Variants in TTC24 observed in about 807,000 individuals in gnomAD.
TTC24 encodes the protein tetratricopeptide repeat domain 24.
In TTC24, 54 loss-of-function variants were observed where a neutral mutation model predicts 63.3. That is an observed-to-expected ratio of 0.85 (90% CI 0.69 to 1.07). TTC24 has a LOEUF of 1.07. Ranked by LOEUF, TTC24 falls within the 50% of genes least tolerant of loss-of-function variation. The pLI is 0.00. For missense variants in TTC24, 680 were observed against 730.5 expected (o/e 0.93, Z 0.80); for synonymous variants, 276 against 304.3 (o/e 0.91, Z 0.97).
chr1:156,587,162 G>T lies in TTC24; in HGVS notation c.*612G>T, dbSNP rs1970531. Among the ~76,000 whole-genome samples the T allele has an allele frequency of 0.99, 41,864 of 42,346 alleles. 20,747 individuals are homozygous for T. Among genetic ancestry groups the T allele is most frequent in the Middle Eastern group, 1 (98 of 98 alleles). 27.8% of individuals were successfully genotyped at this position (42,346 alleles called of 152,430 possible). A position where few individuals can be genotyped will look rare whatever the true frequency, so the allele number is the denominator to read the frequency against. ...CACCCTATTCTAGGTGCTTAGCTCA[G>T]GCCCCACCCTATTCTAGGTGCTTAG... On this transcript the variant is annotated 3_prime_UTR_variant, in exon 11 of 11. Transcript: ENST00000368236.
At chr1:156,586,128 C>A (rs1046065069) in intron 10 of TTC24, 83 bp downstream of exon 10, 7 of 1,030,296 alleles carry the variant, frequency 6.8e-6, no homozygotes, top group East Asian at 2.6e-5. Context: ...TAATGAAACA[C>A]GACTGCTGTT....
Position 156,583,685 on chromosome 1 carries a change from G to A in TTC24, c.1153-112G>A. On this transcript the variant is annotated intron_variant, in intron 5 of 10. Transcript: ENST00000368236. The surrounding 1 kb of genome is among the most constrained non-coding windows in gnomAD (Gnocchi z 4.0). ...GGCATGGGGATGGGGTAGAAGAGAG[G>A]GGAAACAAAGCCCCCCTCCCCCCTC... The A allele has an allele frequency of 2.8e-6, 3 of 1,065,724 alleles. No individual in the cohort carries two copies. The highest frequency in any genetic ancestry group is 2.1e-5 in the Admixed American group (1 of 47,886). The allele number at this position is 1,065,724 out of a possible 1,614,324, so 66.0% of individuals were successfully genotyped here.
chr1:156,582,161 G>A lies in TTC24; in HGVS notation c.707-70G>A, dbSNP rs1223121798. Reference sequence around the variant, plus strand: ...GCTGGGTTTGGGGAACCCTGGAGGAGTCGATAGGGGCTGTACCAGCCTCAT... The same window carrying A: ...GCTGGGTTTGGGGAACCCTGGAGGAATCGATAGGGGCTGTACCAGCCTCAT... On this transcript the variant is annotated intron_variant, in intron 2 of 10. Coordinates refer to ENST00000368236, the MANE Select transcript of TTC24 (RefSeq NM_001105669.4). The A allele has an allele frequency of 7.5e-6, 11 of 1,474,350 alleles. 1 individual carries two copies. In the South Asian group the frequency reaches 1.4e-4, roughly 19 times the overall value. The allele number at this position is 1,474,350 out of a possible 1,614,324, so 91.3% of individuals were successfully genotyped here. A position where few individuals can be genotyped will look rare whatever the true frequency, so the allele number is the denominator to read the frequency against.
chr1:156,580,735 C>T (rs931803715), intron 1 of TTC24, among the ~76,000 whole-genome samples: 2 of 152,166 alleles, frequency 1.3e-5, no homozygotes, highest in African/African-American at 2.4e-5. Context: ...CTCAGCCTCC[C>T]AAAATGCTGG....
chr1:156,586,538 C>T lies in TTC24; in HGVS notation c.1737C>T (p.Cys579=). ...GGAGACCCATGGAGTCGGGCATCTG[C>T]ACTATTGTGTGACCTCCCCCTGCCA... ...RQRRPMESGI[C]TIV Residue 579 remains cysteine, a synonymous_variant, in exon 11 of 11, where the codon TGC becomes TGT. Transcript: ENST00000368236. 6.2e-6 allele frequency: 10 copies of T among 1,613,412 alleles called. No homozygotes were observed. The highest frequency in any genetic ancestry group is 7.6e-6 in the Non-Finnish European group (9 of 1,179,670).
In TTC24 at chr1:156,581,505, T is replaced by C; in HGVS notation, c.141T>C (p.Leu47=). The stretch of plus-strand genomic sequence containing the variant: ...TCACCAGGGCTGGCCATGGGGCCCT[T>C]CAGGCTGGCCAGAACCATGAAGCCT... ...QALTRAGHGA[L]QAGQNHEALN... Residue 47 remains leucine, a synonymous_variant, in exon 2 of 11, where the codon CTT becomes CTC. Transcript: ENST00000368236. 1 of 1,551,406 alleles carries C rather than the reference T, an allele frequency of 6.4e-7. No individual in the cohort carries two copies. The highest frequency in any genetic ancestry group is 8.7e-7 in the Non-Finnish European group (1 of 1,146,774).
At position 156,580,627 on chromosome 1, in the gene TTC24, G is replaced by A. The variant is rs556173168; in HGVS notation, c.-4-734G>A. On this transcript the variant is annotated intron_variant, in intron 1 of 10. Coordinates refer to ENST00000368236, the MANE Select transcript of TTC24 (RefSeq NM_001105669.4). ...CGAGTAGCTGGGATTACAGGCGCCCGCCACCACGCCCGGCTAATTTTTGTA... is the reference window on the plus strand; with the variant it reads ...CGAGTAGCTGGGATTACAGGCGCCCACCACCACGCCCGGCTAATTTTTGTA... Among the ~76,000 whole-genome samples the A allele has an allele frequency of 5.9e-5, 9 of 152,164 alleles. No individual in the cohort carries two copies. In the South Asian group the frequency reaches 8.3e-4, roughly 14 times the overall value.
chr1:156,586,558 CT>C lies in TTC24; in HGVS notation c.*9del, dbSNP rs1199331433. On this transcript the variant is annotated 3_prime_UTR_variant, in exon 11 of 11. Transcript: ENST00000368236. ...ATCTGCACTATTGTGTGACCTCCCC[CT>C]GCCAGCCTCAGCCCTCATCCCTGAA... is the stretch of plus-strand genomic sequence containing the variant. 1 of 1,612,022 alleles carries C rather than the reference CT, an allele frequency of 6.2e-7. No individual in the cohort carries two copies. Among genetic ancestry groups the C allele is most frequent in the Non-Finnish European group, 8.5e-7 (1 of 1,178,902 alleles).
Position 156,582,221 on chromosome 1 carries a change from T to C in TTC24, c.707-10T>C, listed in dbSNP as rs531516616. On this transcript the variant is annotated splice_polypyrimidine_tract_variant and intron_variant, in intron 2 of 10. Coordinates refer to ENST00000368236, the MANE Select transcript of TTC24 (RefSeq NM_001105669.4). ...GTCTGGCTACCAGTGACCCTGGCTA[T>C]TCCCTCTAGGGCACCTCTATAACGA... 2.5e-5 allele frequency: 38 copies of C among 1,545,314 alleles called. 1 individual carries two copies. The East Asian group carries it at 9.1e-4, about 37-fold the overall frequency.
chr1:156,586,771 A>T lies in TTC24; in HGVS notation c.*221A>T, dbSNP rs1677187178. ...CTTGGGATTTTTGGACTCAGTAGGT[A>T]AAAGAAAAAAGGAAAATGGATGGCA... is the stretch of plus-strand genomic sequence containing the variant. On this transcript the variant is annotated 3_prime_UTR_variant, in exon 11 of 11. Coordinates refer to ENST00000368236, the MANE Select transcript of TTC24 (RefSeq NM_001105669.4). 7.6e-6 allele frequency: 3 copies of T among 393,358 alleles called. No homozygotes were observed. The highest frequency in any genetic ancestry group is 3.8e-5 in the East Asian group (1 of 26,450). 24.4% of individuals were successfully genotyped at this position (393,358 alleles called of 1,614,324 possible).
Position 156,585,707 on chromosome 1 carries a change from T to C in TTC24, c.1457-6T>C. On this transcript the variant is annotated splice_polypyrimidine_tract_variant and splice_region_variant and intron_variant, in intron 8 of 10. Coordinates refer to ENST00000368236, the MANE Select transcript of TTC24 (RefSeq NM_001105669.4). ...TGACCTGAATTTACCGATGTCTCCT[T>C]TTCAGTGTGTTTCCTTCCAGGCACA... 1 of 1,606,214 alleles carries C rather than the reference T, an allele frequency of 6.2e-7. No individual in the cohort carries two copies. Among genetic ancestry groups the C allele is most frequent in the Non-Finnish European group, 8.5e-7 (1 of 1,172,838 alleles).
rs1677109229 is a variant in TTC24 at position 156,584,935 on chromosome 1, C to T, written c.1310C>T (p.Pro437Leu). 1 of 1,604,204 alleles carries T rather than the reference C, an allele frequency of 6.2e-7. No homozygotes were observed. Among genetic ancestry groups the T allele is most frequent in the Admixed American group, 1.7e-5 (1 of 58,404 alleles). ...PGGASQAEGT[P>L]AKAGSSTAGV... ...GGGGCCAGCCAGGCGGAGGGGACCCCAGCAAAGGCAGGAAGCAGCACAGCA... is the reference window on the plus strand; with the variant it reads ...GGGGCCAGCCAGGCGGAGGGGACCCTAGCAAAGGCAGGAAGCAGCACAGCA... The change falls in exon 7 of 11, where the codon CCA becomes CTA. Residue 437 changes from proline to leucine, a missense_variant. By Grantham distance (98) the Pro-to-Leu change is moderately conservative. Transcript: ENST00000368236.
rs1387750507 is a variant in TTC24 at position 156,587,692 on chromosome 1, T to TA, written c.*1151dup. Among the ~76,000 whole-genome samples the TA allele has an allele frequency of 4.0e-5, 6 of 151,432 alleles. No individual in the cohort carries two copies. Among genetic ancestry groups the TA allele is most frequent in the East Asian group, 1.9e-4 (1 of 5,176 alleles). Reference sequence around the variant, plus strand: ...GTCAATGTAAAAGAAAATTTATCTTTAAAAAAAAATAAATTGATGAACTGA... The same window carrying TA: ...GTCAATGTAAAAGAAAATTTATCTTTAAAAAAAAAATAAATTGATGAACTGA... On this transcript the variant is annotated 3_prime_UTR_variant, in exon 11 of 11. Transcript: ENST00000368236.
rs1206996236 is a variant in TTC24, at chr1:156,587,213, C to G, written c.*663C>G. Among the ~76,000 whole-genome samples the G allele has an allele frequency of 6.6e-6, 1 of 152,208 alleles. No homozygotes were observed. The highest frequency in any genetic ancestry group is 1.9e-4 in the East Asian group (1 of 5,196). ...CTCATGCCCCACCCTATTCTAGGTG[C>G]TTAGCTCATGCCCCACCCTATTCTA... On this transcript the variant is annotated 3_prime_UTR_variant, in exon 11 of 11. Coordinates refer to ENST00000368236, the MANE Select transcript of TTC24 (RefSeq NM_001105669.4).
In TTC24 at chr1:156,583,107, C is replaced by T; in HGVS notation, c.976C>T (p.Leu326=). ...CAGCCTGGCCTTTGCATTGAGCCAG[C>T]TGGGGGACCACAAGGCTGCCAGAGA... is the stretch of plus-strand genomic sequence containing the variant. ...FGSLAFALSQ[L]GDHKAARDNY... The change falls in exon 4 of 11, where the codon CTG becomes TTG. Residue 326 remains leucine (L), a synonymous_variant. Transcript: ENST00000368236. This position sits in a 1 kb window ranked among gnomAD's most constrained non-coding sequence, Gnocchi z 4.0. 1 of 1,613,816 alleles carries T rather than the reference C, an allele frequency of 6.2e-7. No homozygotes were observed. Among genetic ancestry groups the T allele is most frequent in the Non-Finnish European group, 8.5e-7 (1 of 1,179,822 alleles).
In TTC24 at chr1:156,581,622, G is replaced by T. The variant is rs1171310372; in HGVS notation, c.258G>T (p.Gly86=). Reference sequence around the variant, plus strand: ...TCCAGGCCTGCGCCTTCAACCTGGGGGCTGCCTATGTGGAGACTGGGGACC... The same window carrying T: ...TCCAGGCCTGCGCCTTCAACCTGGGTGCTGCCTATGTGGAGACTGGGGACC... ...PVLQACAFNL[G]AAYVETGDPA... Residue 86 remains glycine, a synonymous_variant, in exon 2 of 11, where the codon GGG becomes GGT. Coordinates refer to ENST00000368236, the MANE Select transcript of TTC24 (RefSeq NM_001105669.4). 13 of 1,551,740 alleles carry T rather than the reference G, an allele frequency of 8.4e-6. No homozygotes were observed. Among genetic ancestry groups the T allele is most frequent in the Non-Finnish European group, 1.1e-5 (13 of 1,147,004 alleles).
chr1:156,587,612 G>C lies in TTC24; in HGVS notation c.*1062G>C, dbSNP rs935548843. On this transcript the variant is annotated 3_prime_UTR_variant, in exon 11 of 11. Coordinates refer to ENST00000368236, the MANE Select transcript of TTC24 (RefSeq NM_001105669.4). ...GCACTTTGCGAGGCCAAGGTGGGAGGATTGCTTGAGCCCAGGAGTTTGAGA... is the reference window on the plus strand; with the variant it reads ...GCACTTTGCGAGGCCAAGGTGGGAGCATTGCTTGAGCCCAGGAGTTTGAGA... Among the ~76,000 whole-genome samples the C allele has an allele frequency of 6.6e-6, 1 of 152,084 alleles. No homozygotes were observed. Among genetic ancestry groups the C allele is most frequent in the African/African-American group, 2.4e-5 (1 of 41,396 alleles).
Position 156,583,098 on chromosome 1 carries a change from T to A in TTC24, c.967T>A (p.Leu323Met). The change falls in exon 4 of 11, where the codon TTG (leucine) becomes ATG (methionine). Residue 323 changes from leucine (L) to methionine (M), a missense_variant. Physicochemically the swap from Leu to Met is conservative, Grantham distance 15. Transcript: ENST00000368236. This position sits in a 1 kb window ranked among gnomAD's most constrained non-coding sequence, Gnocchi z 4.0. The part of the protein sequence containing the change: ...GRSFGSLAFA[L>M]SQLGDHKAAR... ...GAGCTTTGGCAGCCTGGCCTTTGCATTGAGCCAGCTGGGGGACCACAAGGC... is the reference window on the plus strand; with the variant it reads ...GAGCTTTGGCAGCCTGGCCTTTGCAATGAGCCAGCTGGGGGACCACAAGGC... The A allele has an allele frequency of 6.2e-7, 1 of 1,613,726 alleles. No homozygotes were observed.
Position 156,585,704 on chromosome 1 carries a change from C to T in TTC24, c.1457-9C>T. On this transcript the variant is annotated splice_polypyrimidine_tract_variant and intron_variant, in intron 8 of 10. Coordinates refer to ENST00000368236, the MANE Select transcript of TTC24 (RefSeq NM_001105669.4). ...AGCTGACCTGAATTTACCGATGTCTCCTTTTCAGTGTGTTTCCTTCCAGGC... is the reference window on the plus strand; with the variant it reads ...AGCTGACCTGAATTTACCGATGTCTTCTTTTCAGTGTGTTTCCTTCCAGGC... The T allele has an allele frequency of 6.2e-6, 10 of 1,602,440 alleles. No individual in the cohort carries two copies. Among genetic ancestry groups the T allele is most frequent in the Non-Finnish European group, 8.6e-6 (10 of 1,169,388 alleles).
Sources: gnomAD v4.1 joint callset for allele counts (sites outside exome capture counted in the v4.1 genomes callset) on GRCh38, gnomAD v4.1.1 for gene constraint, Gnocchi (gnomAD v3.1) non-coding constraint, MANE v1.5 for transcripts, NCBI Gene and HGNC (gene_info 2026-07-23, HGNC 2026-07-21) for gene names.